Variants in TBC1D22A observed in about 807,000 individuals in gnomAD.
The protein encoded by TBC1D22A is putative GTPase activator.
A neutral mutation model predicts 60.2 loss-of-function variants in TBC1D22A; 38 were observed. That is an observed-to-expected ratio of 0.63 (90% confidence interval 0.49 to 0.83). TBC1D22A has a LOEUF of 0.83. Ranked by LOEUF, TBC1D22A falls within the 40% of genes least tolerant of loss-of-function variation. The probability of loss-of-function intolerance (pLI) is 0.00; values close to 1 mark genes in which losing one functional copy is unlikely to be tolerated. For synonymous variants in TBC1D22A, 302 were observed against 281.7 expected (o/e 1.07, Z -0.72); for missense variants, 628 against 701.0 (o/e 0.90, Z 1.18).
At chr22:47,070,062 C>G (rs1450247437) in intron 11 of TBC1D22A, among the ~76,000 whole-genome samples, 1 of 133,272 alleles carries the variant, frequency 7.5e-6, no homozygotes, top group African/African-American at 3.2e-5. Flanking sequence ...AGGCTGTTCC[C>G]TGTTGTTTGG....
intron 1 of TBC1D22A, among the ~76,000 whole-genome samples, chr22:46,787,192 T>C (rs996229749): frequency 3.3e-5 from 5 of 152,240 alleles, no homozygotes; most frequent in Admixed American, 6.5e-5. Context: ...TGTCTGACTT[T>C]AGTAATTTAA....
intron 11 of TBC1D22A, among the ~76,000 whole-genome samples, chr22:47,100,473 G>T (rs1327909617): frequency 6.6e-6 from 1 of 152,098 alleles, no homozygotes; most frequent in Non-Finnish European, 1.5e-5. Context: ...GATATGGTTT[G>T]GCTGTGTCCC....
At chr22:46,869,422 C>A (rs935115747) in intron 4 of TBC1D22A, among the ~76,000 whole-genome samples, 5 of 152,206 alleles carry the variant, frequency 3.3e-5, no homozygotes, top group African/African-American at 1.2e-4. Context: ...TAATCACTCC[C>A]TTGGAGGCTA....
At chr22:47,170,005 G>T (rs1040158271) in intron 12 of TBC1D22A, among the ~76,000 whole-genome samples, 2 of 152,224 alleles carry the variant, frequency 1.3e-5, no homozygotes, top group Non-Finnish European at 2.9e-5. Context: ...CCTGGTGTGG[G>T]TGATGCAGAA....
intron 1 of TBC1D22A, among the ~76,000 whole-genome samples, chr22:46,771,718 C>G (rs935744718): frequency 6.6e-6 from 1 of 152,032 alleles, no homozygotes; most frequent in Non-Finnish European, 1.5e-5. Context: ...TCTCAGCCTC[C>G]CGAGTGGCTG....
chr22:46,980,703 T>G (rs78434951), intron 9 of TBC1D22A, among the ~76,000 whole-genome samples: 2 of 133,004 alleles, frequency 1.5e-5, no homozygotes, highest in Admixed American at 7.4e-5. Flanking sequence ...GAAAGAGAAA[T>G]GTACTAGAGG....
At chr22:47,099,952 G>T (rs1163360453) in intron 11 of TBC1D22A, among the ~76,000 whole-genome samples, 2 of 152,230 alleles carry the variant, frequency 1.3e-5, no homozygotes, top group Non-Finnish European at 2.9e-5. Context: ...AACAGTGAGG[G>T]CCTCGAGCAC....
At chr22:47,024,861 A>G (rs1473034481) in intron 10 of TBC1D22A, among the ~76,000 whole-genome samples, 2 of 152,068 alleles carry the variant, frequency 1.3e-5, no homozygotes, top group African/African-American at 4.8e-5. Context: ...GTCTCAAAAG[A>G]AAAAAAAGAG....
At chr22:46,948,439 TC>T in intron 8 of TBC1D22A, among the ~76,000 whole-genome samples, 1 of 152,356 alleles carries the variant, frequency 6.6e-6, no homozygotes, top group East Asian at 1.9e-4. Flanking sequence ...TTTGAGATTT[TC>T]CCACATGCTG....
At chr22:47,145,273 C>T (rs908575485) in intron 12 of TBC1D22A, among the ~76,000 whole-genome samples, 5 of 152,156 alleles carry the variant, frequency 3.3e-5, no homozygotes, top group East Asian at 3.9e-4. Flanking sequence ...TCATCCTTTA[C>T]GTGCCCAGGT....
chr22:47,085,877 A>G (rs1009507043), intron 11 of TBC1D22A, among the ~76,000 whole-genome samples: 2 of 152,234 alleles, frequency 1.3e-5, no homozygotes, highest in African/African-American at 4.8e-5. Context: ...AAGAAATCAC[A>G]CTACCATCTA....
At chr22:47,094,883 C>G (rs1351585000) in intron 11 of TBC1D22A, among the ~76,000 whole-genome samples, 1 of 151,862 alleles carries the variant, frequency 6.6e-6, no homozygotes, top group African/African-American at 2.4e-5. Flanking sequence ...TTGGCTGTGA[C>G]CTTTGTCTTT....
chr22:46,947,473 A>C lies in TBC1D22A; in HGVS notation c.1016-26817A>C, dbSNP rs2147986598. The stretch of plus-strand genomic sequence containing the variant: ...TCCACCGTCATCTAACAGGTGGGGC[A>C]ATAAGGGCCTAGAACCTGCTGAACC... On this transcript the variant is annotated intron_variant, in intron 8 of 12. Coordinates refer to ENST00000337137, the MANE Select transcript of TBC1D22A (RefSeq NM_014346.5). Among the ~76,000 whole-genome samples the C allele has an allele frequency of 5.3e-5, 8 of 152,306 alleles. 1 individual carries two copies. In the South Asian group the frequency reaches 1.7e-3, roughly 32 times the overall value.
intron 10 of TBC1D22A, among the ~76,000 whole-genome samples, chr22:47,000,627 G>T (rs2075279998): frequency 6.6e-6 from 1 of 152,110 alleles, no homozygotes; most frequent in African/African-American, 2.4e-5. Flanking sequence ...GAACTCCCTG[G>T]GAAGCCCCCT....
intron 8 of TBC1D22A, among the ~76,000 whole-genome samples, chr22:46,952,203 T>C (rs1477879324): frequency 6.6e-6 from 1 of 152,196 alleles, no homozygotes; most frequent in East Asian, 1.9e-4. Flanking sequence ...TTGAAAGCAT[T>C]TTCCTCCCAG....
chr22:46,895,809 G>A (rs1195204508), intron 7 of TBC1D22A, among the ~76,000 whole-genome samples: 1 of 152,152 alleles, frequency 6.6e-6, no homozygotes, highest in Non-Finnish European at 1.5e-5. Flanking sequence ...CTGTTAGGAA[G>A]GGTGTTATCT....
chr22:47,058,928 C>T (rs1388085904), intron 11 of TBC1D22A, among the ~76,000 whole-genome samples: 1 of 152,172 alleles, frequency 6.6e-6, no homozygotes, highest in Non-Finnish European at 1.5e-5. Context: ...GAACCTCTCC[C>T]CATACCCCTC....
intron 4 of TBC1D22A, among the ~76,000 whole-genome samples, chr22:46,808,676 G>A (rs2085253163): frequency 6.6e-6 from 1 of 152,166 alleles, no homozygotes. Context: ...CTTACTGCAA[G>A]CTCCGCCTCC....
At chr22:47,052,081 C>T (rs539132018) in intron 11 of TBC1D22A, among the ~76,000 whole-genome samples, 1 of 152,096 alleles carries the variant, frequency 6.6e-6, no homozygotes, top group Non-Finnish European at 1.5e-5. Flanking sequence ...GGGCCTCCTG[C>T]CCCCAGCAAG....
Sources: gnomAD v4.1 joint callset for allele counts (sites outside exome capture counted in the v4.1 genomes callset) on GRCh38, gnomAD v4.1.1 for gene constraint, MANE v1.5 for transcripts, NCBI Gene and HGNC (gene_info 2026-07-23, HGNC 2026-07-21) for gene names.